The following CACNA1A variants were observed in gnomAD, a reference collection of about 807,000 sequenced individuals.
CACNA1A encodes the protein calcium voltage-gated channel subunit alpha1 A.
Under a neutral mutation model 262.4 loss-of-function variants are expected in CACNA1A, and 57 were observed. The ratio of observed to expected loss-of-function variants is 0.22; its 90% CI spans 0.18 to 0.27. The LOEUF (loss-of-function observed/expected upper bound fraction) is 0.27. Among genes scored for constraint, CACNA1A ranks in the 10% least tolerant of loss-of-function variants. The pLI is 1.00. For synonymous variants in CACNA1A, 1,431 were observed against 1,419.3 expected (o/e 1.01, Z -0.18); for missense variants, 2,526 against 3,562.8 (o/e 0.71, Z 7.41).
intron 5 of CACNA1A, chr19:13,364,892 T>C (rs190992462): frequency 0.012 from 1,791 of 153,372 alleles, 16 homozygotes; most frequent in Non-Finnish European, 0.019. Flanking sequence ...CCACCCGCCT[T>C]GGCCCCCCAA....
intron 34 of CACNA1A, among the ~76,000 whole-genome samples, chr19:13,232,471 C>T (rs564209571): frequency 6.6e-6 from 1 of 152,190 alleles, no homozygotes; most frequent in South Asian, 2.1e-4. Context: ...GTGGCTCACA[C>T]CTGTAATCCC....
intron 1 of CACNA1A, among the ~76,000 whole-genome samples, chr19:13,504,220 C>T (rs1982742322): frequency 6.6e-6 from 1 of 152,158 alleles, no homozygotes; most frequent in South Asian, 2.1e-4. Context: ...TCAAGCCACC[C>T]CTGAGCACTT....
rs769551839 is a variant in CACNA1A, at chr19:13,212,220, C to T, written c.6190-4G>A. 14 of 1,612,268 alleles carry T rather than the reference C, an allele frequency of 8.7e-6. No individual in the cohort carries two copies. The highest frequency in any genetic ancestry group is 5.5e-5 in the South Asian group (5 of 91,010). On this transcript the variant is annotated splice_region_variant and splice_polypyrimidine_tract_variant and intron_variant, in intron 42 of 46. Transcript: ENST00000360228. The surrounding 1 kb of genome is among the most constrained non-coding windows in gnomAD (Gnocchi z 5.6). Reference sequence around the variant, plus strand: ...CCATCTCTCGCATCTCCACGGACTGCGGAGCAGATGGCAAAGCCAGATGAG... The same window carrying T: ...CCATCTCTCGCATCTCCACGGACTGTGGAGCAGATGGCAAAGCCAGATGAG...
intron 5 of CACNA1A, among the ~76,000 whole-genome samples, chr19:13,360,091 T>C (rs1439959323): frequency 6.6e-6 from 1 of 151,844 alleles, no homozygotes; most frequent in Non-Finnish European, 1.5e-5. Flanking sequence ...TTTAAGGCTA[T>C]AAATTGCCTT....
intron 18 of CACNA1A, among the ~76,000 whole-genome samples, chr19:13,300,067 T>C (rs2057757006): frequency 6.6e-6 from 1 of 152,188 alleles, no homozygotes; most frequent in Admixed American, 6.5e-5. Context: ...CACCTCCTGC[T>C]GTGCAGCCCC....
intron 45 of CACNA1A, 41 bp from the exon 46 acceptor site, chr19:13,209,050 G>C (rs1341470633): frequency 1.3e-6 from 2 of 1,536,390 alleles, no homozygotes; most frequent in Non-Finnish European, 1.7e-6. Flanking sequence ...AGGTGGTCGT[G>C]AGGGAGAGGT....
chr19:13,457,849 G>A (rs1324956413), intron 1 of CACNA1A, among the ~76,000 whole-genome samples: 15 of 107,062 alleles, frequency 1.4e-4, no homozygotes, highest in Admixed American at 3.0e-4. Flanking sequence ...GCAAAACTCC[G>A]TTTCAAAAAA....
intron 31 of CACNA1A, among the ~76,000 whole-genome samples, chr19:13,239,425 G>GC (rs1050845139): frequency 6.6e-6 from 1 of 152,192 alleles, no homozygotes; most frequent in Non-Finnish European, 1.5e-5. Context: ...AATTTTAAGT[G>GC]GAGTCAAGGG....
chr19:13,312,755 G>C lies in CACNA1A; in HGVS notation c.1582C>G (p.Leu528Val). 1.3e-6 allele frequency: 2 copies of C among 1,582,598 alleles called. No individual in the cohort carries two copies. Among genetic ancestry groups the C allele is most frequent in the Non-Finnish European group, 1.7e-6 (2 of 1,165,682 alleles). The change falls in exon 12 of 47, where the codon CTC becomes GTC. Residue 528 changes from leucine (L) to valine (V), a missense_variant. Leu to Val is a conservative substitution (Grantham distance 32). Around this residue, in one of 17 missense-constraint regions of CACNA1A, gnomAD observed 102 missense variants for 278.9 expected, o/e 0.37. Coordinates refer to ENST00000360228, the MANE Select transcript of CACNA1A (RefSeq NM_001127222.2). ...LYYAEFIFLG[L>V]FMSEMFIKMY... ...TTTATAAACATTTCGGACATAAAGAGTCCTAAGAAAATGAATTCTGCATAG... is the reference window on the plus strand; with the variant it reads ...TTTATAAACATTTCGGACATAAAGACTCCTAAGAAAATGAATTCTGCATAG...
At chr19:13,351,293 T>G (rs568942853) in intron 6 of CACNA1A, among the ~76,000 whole-genome samples, 4 of 152,328 alleles carry the variant, frequency 2.6e-5, no homozygotes, top group South Asian at 4.1e-4. Context: ...ATTTGCCTGT[T>G]TTTCATTTAT....
In CACNA1A at chr19:13,210,790, C is replaced by T. The variant is rs182555558; in HGVS notation, c.6304-138G>A. On this transcript the variant is annotated intron_variant, in intron 43 of 46. Coordinates refer to ENST00000360228, the MANE Select transcript of CACNA1A (RefSeq NM_001127222.2). ...GAGTGGCACTGGCATCAAGAGAAAT[C>T]GGAGGGAGAAGGCAGGGAGGAAAAG... 193 of 900,440 alleles carry T rather than the reference C, an allele frequency of 2.1e-4. 1 individual carries two copies. The African/African-American group carries it at 2.6e-3, about 12-fold the overall frequency. 55.8% of individuals were successfully genotyped at this position (900,440 alleles called of 1,614,324 possible).
intron 25 of CACNA1A, 199 bp downstream of exon 25, chr19:13,262,534 AT>A: frequency 1.8e-6 from 1 of 562,580 alleles, no homozygotes; most frequent in Non-Finnish European, 3.2e-6. Context: ...AACTGCCATA[AT>A]ACACAGATTA....
intron 1 of CACNA1A, among the ~76,000 whole-genome samples, chr19:13,464,883 C>T (rs914085931): frequency 2.0e-5 from 3 of 151,428 alleles, no homozygotes; most frequent in African/African-American, 7.3e-5. Flanking sequence ...GGTCTTGGTT[C>T]CTTTTCTTTT....
At chr19:13,349,579 T>C (rs2058868055) in intron 6 of CACNA1A, among the ~76,000 whole-genome samples, 1 of 152,134 alleles carries the variant, frequency 6.6e-6, no homozygotes, top group Non-Finnish European at 1.5e-5. Context: ...GCAAACAGTT[T>C]TGTTGCAGTA....
At chr19:13,285,411 T>C (rs1162741354) in intron 20 of CACNA1A, among the ~76,000 whole-genome samples, 1 of 152,038 alleles carries the variant, frequency 6.6e-6, no homozygotes, top group Non-Finnish European at 1.5e-5. Context: ...ATGAGGAAAT[T>C]GAGGCACAGA....
At chr19:13,488,988 AATTTC>A in intron 1 of CACNA1A, among the ~76,000 whole-genome samples, 1 of 138,392 alleles carries the variant, frequency 7.2e-6, no homozygotes, top group African/African-American at 3.0e-5. Context: ...TATTGTAATT[AATTTC>A]TTTTCTTTTC....
intron 29 of CACNA1A, among the ~76,000 whole-genome samples, chr19:13,254,520 G>A (rs1355525071): frequency 1.3e-5 from 2 of 151,856 alleles, no homozygotes; most frequent in Non-Finnish European, 2.9e-5. Context: ...GCACCACCAC[G>A]CCTGGCTAAT....
chr19:13,214,203 C>T lies in CACNA1A; in HGVS notation c.5940+30G>A. ...GACATGCAAGCCACTGTCCCCAGCC[C>T]AGATGTCCCCAGAGCGGCGAACAGC... On this transcript the variant is annotated intron_variant, in intron 40 of 46. Coordinates refer to ENST00000360228, the MANE Select transcript of CACNA1A (RefSeq NM_001127222.2). This position sits in a 1 kb window ranked among gnomAD's most constrained non-coding sequence, Gnocchi z 4.1. The T allele has an allele frequency of 1.3e-6, 2 of 1,567,016 alleles. No individual in the cohort carries two copies. The highest frequency in any genetic ancestry group is 1.1e-5 in the South Asian group (1 of 88,454).
At chr19:13,325,143 T>C (rs1009109211) in intron 10 of CACNA1A, among the ~76,000 whole-genome samples, 10 of 143,172 alleles carry the variant, frequency 7.0e-5, no homozygotes, top group African/African-American at 1.0e-4. Context: ...CCTCCTCCTC[T>C]TCTTCTTCTT....
Sources: allele counts gnomAD v4.1 joint callset (sites outside exome capture counted in the v4.1 genomes callset), GRCh38; gene constraint gnomAD v4.1.1; regional missense constraint gnomAD v4.1.1; non-coding constraint Gnocchi (gnomAD v3.1); transcripts MANE v1.5; gene names NCBI Gene and HGNC (gene_info 2026-07-23, HGNC 2026-07-21).